JAK2: variants seen among roughly 807,000 people sequenced by gnomAD.
JAK2 encodes Janus kinase 2, also known as tyrosine-protein kinase JAK2.
A neutral mutation model predicts 139.3 loss-of-function variants in JAK2; 86 were observed. The observed-to-expected ratio is 0.62, with a 90% confidence interval of 0.52 to 0.74. JAK2 has a LOEUF of 0.74. JAK2 is among the 30% of genes least tolerant of loss of function. The probability of loss-of-function intolerance (pLI) is 0.00; values close to 1 mark genes in which losing one functional copy is unlikely to be tolerated. For synonymous variants in JAK2, 490 were observed against 437.7 expected (o/e 1.12, Z -1.49); for missense variants, 1,421 against 1,360.3 (o/e 1.04, Z -0.70).
intron 3 of JAK2, among the ~76,000 whole-genome samples, chr9:5,027,064 G>C (rs1032351178): frequency 6.6e-6 from 1 of 152,156 alleles, no homozygotes; most frequent in Non-Finnish European, 1.5e-5. Flanking sequence ...ATGCAAGCAT[G>C]GATTTTTATT....
intron 22 of JAK2, chr9:5,095,011 C>T (rs988409053): frequency 5.3e-5 from 8 of 152,030 alleles, no homozygotes; most frequent in African/African-American, 1.9e-4. Context: ...CATTCCACCC[C>T]AAACATAGGA....
At chr9:5,121,249 TA>T (rs1373044769) in intron 22 of JAK2, among the ~76,000 whole-genome samples, 2 of 152,204 alleles carry the variant, frequency 1.3e-5, no homozygotes, top group Non-Finnish European at 2.9e-5. Flanking sequence ...AGCAGTCCCC[TA>T]AGAGATTTGC....
At chr9:5,072,215 A>AT (rs1563976105) in intron 12 of JAK2, among the ~76,000 whole-genome samples, 1 of 152,208 alleles carries the variant, frequency 6.6e-6, no homozygotes, top group Non-Finnish European at 1.5e-5. Context: ...CACTGACTCT[A>AT]TTTTTAAAAA....
chr9:5,087,835 T>C lies in JAK2; in HGVS notation c.2572-1839T>C, dbSNP rs190309952. Among the ~76,000 whole-genome samples, 4 of 152,340 alleles carry C rather than the reference T, an allele frequency of 2.6e-5. No homozygotes were observed. The East Asian group carries it at 5.8e-4, about 22-fold the overall frequency. On this transcript the variant is annotated intron_variant, in intron 19 of 24. Coordinates refer to ENST00000381652, the MANE Select transcript of JAK2 (RefSeq NM_004972.4). ...ATAGAGATGTACACAAATATTTATT[T>C]ATAAGAATATTATTGCAATGACATG... is the stretch of plus-strand genomic sequence containing the variant.
intron 22 of JAK2, chr9:5,094,964 A>G (rs1017989733): frequency 2.6e-5 from 4 of 152,292 alleles, no homozygotes; most frequent in Middle Eastern, 3.4e-3. Flanking sequence ...TTACATTAGC[A>G]TTCTGCATAT....
At chr9:5,057,730 C>T (rs1420573284) in intron 8 of JAK2, among the ~76,000 whole-genome samples, 1 of 151,746 alleles carries the variant, frequency 6.6e-6, no homozygotes, top group Non-Finnish European at 1.5e-5. Context: ...TACAGGTGCA[C>T]GCCACCATGC....
chr9:5,029,235 G>A (rs189467862), intron 3 of JAK2, among the ~76,000 whole-genome samples: 1 of 152,150 alleles, frequency 6.6e-6, no homozygotes, highest in Non-Finnish European at 1.5e-5. Context: ...AGAGGCCTAA[G>A]GAGAGGGAGA....
chr9:5,066,700 C>G lies in JAK2; in HGVS notation c.1237C>G (p.Leu413Val), dbSNP rs748449350. The change falls in exon 10 of 25, where the codon CTG becomes GTG. Residue 413 changes from leucine (L) to valine (V), a missense_variant. Transcript: ENST00000381652. ...TAGGATGGATTTTGCCATTAGTAAA[C>G]TGAAGAAAGCAGGTAATCAGACTGG... is the stretch of plus-strand genomic sequence containing the variant. ...PISMDFAISK[L>V]KKAGNQTGLY... 6.2e-7 allele frequency: 1 copy of G among 1,606,488 alleles called. No individual in the cohort carries two copies. The highest frequency in any genetic ancestry group is 8.5e-7 in the Non-Finnish European group (1 of 1,174,062).
Position 5,034,842 on chromosome 9 carries a change from C to G in JAK2, c.350+4936C>G, listed in dbSNP as rs867377072. 2.0e-5 allele frequency among the ~76,000 whole-genome samples: 3 copies of G among 152,072 alleles called. No individual in the cohort carries two copies. The South Asian group carries it at 6.2e-4, about 32-fold the overall frequency. ...ATTAAAAGAACTAGAAAACCAAGAGCAAACACATTCAAAAGCTAGCAGAAG... is the reference window on the plus strand; with the variant it reads ...ATTAAAAGAACTAGAAAACCAAGAGGAAACACATTCAAAAGCTAGCAGAAG... On this transcript the variant is annotated intron_variant, in intron 4 of 24. Transcript: ENST00000381652.
chr9:5,092,652 T>C (rs1306894303), intron 22 of JAK2, among the ~76,000 whole-genome samples: 1 of 152,136 alleles, frequency 6.6e-6, no homozygotes, highest in Non-Finnish European at 1.5e-5. Flanking sequence ...CTGCATAAAG[T>C]ATTAAGTAGA....
At position 5,089,571 on chromosome 9, in the gene JAK2, TCTG is replaced by T. The variant is rs1229465804; in HGVS notation, c.2572-100_2572-98del. 1.5e-4 allele frequency: 41 copies of T among 275,782 alleles called. No individual in the cohort carries two copies. The East Asian group carries it at 2.4e-3, about 16-fold the overall frequency. The allele number at this position is 275,782 out of a possible 1,614,324, so 17.1% of individuals were successfully genotyped here. A position where few individuals can be genotyped will look rare whatever the true frequency, so the allele number is the denominator to read the frequency against. The stretch of plus-strand genomic sequence containing the variant: ...AAAAAAAAAAAAAAAAAAAAGACAG[TCTG>T]CTAATTCCAGCTACTAGAATTTTCT... On this transcript the variant is annotated intron_variant, in intron 19 of 24. Coordinates refer to ENST00000381652, the MANE Select transcript of JAK2 (RefSeq NM_004972.4).
intron 2 of JAK2, among the ~76,000 whole-genome samples, chr9:5,014,034 C>G (rs955417141): frequency 3.3e-5 from 5 of 151,878 alleles, no homozygotes; most frequent in African/African-American, 1.2e-4. Context: ...AAAGTTGTGT[C>G]TCTTAGAATT....
At chr9:5,085,446 G>C (rs1430000852) in intron 19 of JAK2, 5 of 740,314 alleles carry the variant, frequency 6.8e-6, no homozygotes, top group Non-Finnish European at 1.3e-5. Flanking sequence ...CAGTATTCTT[G>C]AAGGTCTTTT....
Position 5,054,962 on chromosome 9 carries a change from T to G in JAK2, c.936+78T>G. 9.3e-7 allele frequency: 1 copy of G among 1,077,568 alleles called. No individual in the cohort carries two copies. The highest frequency in any genetic ancestry group is 1.6e-5 in the African/African-American group (1 of 62,386). The allele number at this position is 1,077,568 out of a possible 1,614,324, so 66.8% of individuals were successfully genotyped here. The stretch of plus-strand genomic sequence containing the variant: ...TAAAAACAAAGTAATTTTAATCATT[T>G]GCAACATGGTATTGCACTTCTCCCA... On this transcript the variant is annotated intron_variant, in intron 7 of 24. Transcript: ENST00000381652. The surrounding 1 kb of genome is among the most constrained non-coding windows in gnomAD (Gnocchi z 4.9).
At position 5,026,223 on chromosome 9, in the gene JAK2, C is replaced by T. The variant is rs138471660; in HGVS notation, c.227-3560C>T. Among the ~76,000 whole-genome samples the T allele has an allele frequency of 4.6e-3, 706 of 152,230 alleles. 6 individuals carry two copies. The highest frequency in any genetic ancestry group is 0.016 in the African/African-American group (670 of 41,552). On this transcript the variant is annotated intron_variant, in intron 3 of 24. Transcript: ENST00000381652. ...AGCTACAATTTTTCCTCTTGAGTTT[C>T]ACCTTAGTTGTATTCCACAATTTTT...
intron 5 of JAK2, 34 bp from the exon 6 acceptor site, chr9:5,050,652 C>G (rs753153345): frequency 1.3e-6 from 2 of 1,584,852 alleles, no homozygotes; most frequent in Non-Finnish European, 8.6e-7. Context: ...ATGAAACTTA[C>G]GATGAGATAT....
intron 2 of JAK2, among the ~76,000 whole-genome samples, chr9:4,991,244 G>T (rs1445215876): frequency 6.6e-6 from 1 of 152,112 alleles, no homozygotes. Flanking sequence ...AGTTACAAAG[G>T]GTTAACTAGG....
intron 22 of JAK2, among the ~76,000 whole-genome samples, chr9:5,107,641 C>T (rs1012649925): frequency 9.9e-5 from 15 of 151,908 alleles, no homozygotes; most frequent in African/African-American, 3.4e-4. Context: ...TACCAAATGC[C>T]CTCTATTTAC....
chr9:5,115,387 C>T (rs996401191), intron 22 of JAK2, among the ~76,000 whole-genome samples: 4 of 152,030 alleles, frequency 2.6e-5, no homozygotes, highest in African/African-American at 9.7e-5. Context: ...GTTAGAATGG[C>T]GATCATTAAA....
Sources: gnomAD v4.1 joint callset for allele counts (sites outside exome capture counted in the v4.1 genomes callset) on GRCh38, gnomAD v4.1.1 for gene constraint, Gnocchi (gnomAD v3.1) non-coding constraint, MANE v1.5 for transcripts, NCBI Gene and HGNC (gene_info 2026-07-23, HGNC 2026-07-21) for gene names.